Variants in PRUNE2 observed in about 807,000 individuals in gnomAD.
The protein encoded by PRUNE2 is prune homolog 2 with BCH domain.
In PRUNE2, 164 loss-of-function variants were observed where a neutral mutation model predicts 252.0. The observed-to-expected ratio is 0.65, with a 90% confidence interval of 0.57 to 0.74. The LOEUF is 0.74. Ranked by LOEUF, PRUNE2 falls within the 30% of genes least tolerant of loss-of-function variation. The pLI is 0.00. For missense variants in PRUNE2, 3,495 were observed against 3,711.0 expected, an observed-to-expected ratio of 0.94 and a Z score of 1.51; for synonymous variants, 1,292 against 1,350.2, an observed-to-expected ratio of 0.96 and a Z score of 0.94.
chr9:76,811,043 G>A (rs963188165), intron 6 of PRUNE2, among the ~76,000 whole-genome samples: 5 of 152,186 alleles, frequency 3.3e-5, no homozygotes, highest in Non-Finnish European at 7.3e-5. Flanking sequence ...AGGGAGGGGA[G>A]AGAGAATATA....
intron 17 of PRUNE2, among the ~76,000 whole-genome samples, chr9:76,620,979 C>G (rs1832034360): frequency 6.6e-6 from 1 of 152,068 alleles, no homozygotes; most frequent in African/African-American, 2.4e-5. Flanking sequence ...CTGTATACAG[C>G]TAAGGTTTTA....
At position 76,708,225 on chromosome 9, in the gene PRUNE2, T is replaced by G. The variant is rs924908991; in HGVS notation, c.4049A>C (p.Glu1350Ala). ...DEEEVIASGV[E>A]NASGISEKGQ... ...TTTTTCAGAAATCCCTGAGGCATTCTCCACACCAGAGGCGATCACCTCCTC... is the reference window on the plus strand; with the variant it reads ...TTTTTCAGAAATCCCTGAGGCATTCGCCACACCAGAGGCGATCACCTCCTC... The change falls in exon 8 of 19, where the codon GAG becomes GCG. Residue 1350 changes from glutamate (E) to alanine (A), a missense_variant. Transcript: ENST00000376718. 49 of 1,613,974 alleles carry G rather than the reference T, an allele frequency of 3.0e-5. No homozygotes were observed. Among genetic ancestry groups the G allele is most frequent in the Non-Finnish European group, 4.1e-5 (48 of 1,179,884 alleles).
At chr9:76,635,851 T>C (rs916653428) in intron 15 of PRUNE2, among the ~76,000 whole-genome samples, 6 of 152,224 alleles carry the variant, frequency 3.9e-5, no homozygotes, top group African/African-American at 1.4e-4. Context: ...TCTTACTATA[T>C]TATGAACATA....
At chr9:76,687,551 G>A in intron 9 of PRUNE2, 1 of 273,604 alleles carries the variant, frequency 3.7e-6, no homozygotes, top group Non-Finnish European at 7.8e-6. Context: ...TATCAAGATT[G>A]TTCTAGTAAT....
chr9:76,722,016 A>T (rs2047682498), intron 6 of PRUNE2, among the ~76,000 whole-genome samples: 1 of 152,162 alleles, frequency 6.6e-6, no homozygotes. Flanking sequence ...GTAAGCAAAG[A>T]TATTTTCCAT....
chr9:76,723,953 G>A lies in PRUNE2; in HGVS notation c.757-10232C>T, dbSNP rs373325831. On this transcript the variant is annotated intron_variant, in intron 6 of 18. Transcript: ENST00000376718. The stretch of plus-strand genomic sequence containing the variant: ...CTCCCGAGTAGCTGGGACTACAGGC[G>A]CCTGCTACCACGCTCGGCTAACTTT... 1.5e-4 allele frequency among the ~76,000 whole-genome samples: 22 copies of A among 151,350 alleles called. No homozygotes were observed. The East Asian group carries it at 4.2e-3, about 29-fold the overall frequency.
intron 6 of PRUNE2, among the ~76,000 whole-genome samples, chr9:76,821,821 T>C (rs2058051627): frequency 6.6e-6 from 1 of 152,138 alleles, no homozygotes; most frequent in Non-Finnish European, 1.5e-5. Flanking sequence ...GACAAAGCCA[T>C]TTGCATACCC....
Position 76,854,103 on chromosome 9 carries a change from C to A in PRUNE2, c.141+1G>T. 1 of 1,523,144 alleles carries A rather than the reference C, an allele frequency of 6.6e-7. No individual in the cohort carries two copies. The allele number at this position is 1,523,144 out of a possible 1,614,324, so 94.4% of individuals were successfully genotyped here. On this transcript the variant is annotated splice_donor_variant, in intron 2 of 18. Coordinates refer to ENST00000376718, the MANE Select transcript of PRUNE2 (RefSeq NM_015225.3). LOFTEE classifies it high-confidence loss of function. ...AGGAGTATTACCCTTTTTTCCCTCA[C>A]CTTGTCTAGAAAGTAAGCATATGTG...
intron 9 of PRUNE2, among the ~76,000 whole-genome samples, chr9:76,682,718 T>G (rs1022389645): frequency 1.2e-4 from 19 of 152,202 alleles, no homozygotes; most frequent in African/African-American, 4.3e-4. Flanking sequence ...GATGTACATA[T>G]TTTGGGGAGT....
intron 6 of PRUNE2, among the ~76,000 whole-genome samples, chr9:76,749,826 A>G (rs970057470): frequency 1.3e-5 from 2 of 152,224 alleles, no homozygotes; most frequent in African/African-American, 4.8e-5. Context: ...ACAGGGCATG[A>G]CAGATTTGCG....
At chr9:76,785,304 A>G (rs2054863600) in intron 6 of PRUNE2, 1 of 152,260 alleles carries the variant, frequency 6.6e-6, no homozygotes, top group Admixed American at 6.5e-5. Context: ...TATGAGATTC[A>G]TCATCACATG....
chr9:76,901,054 G>T (rs909347587), intron 1 of PRUNE2, among the ~76,000 whole-genome samples: 1 of 152,096 alleles, frequency 6.6e-6, no homozygotes, highest in Non-Finnish European at 1.5e-5. Flanking sequence ...CAAGACCCAA[G>T]GTGCTGTCTG....
In PRUNE2 at chr9:76,704,790, G is replaced by A. The variant is rs1170082331; in HGVS notation, c.7484C>T (p.Pro2495Leu). The change falls in exon 8 of 19, where the codon CCA becomes CTA. Residue 2495 changes from proline (P) to leucine (L), a missense_variant. Transcript: ENST00000376718. ...WEVETDNSDL[P>L]AGGDIGPPNG... ...TGGTGGTCCTATGTCTCCACCTGCT[G>A]GTAAATCAGAATTATCTGTTTCTAC... 1.3e-6 allele frequency: 2 copies of A among 1,570,540 alleles called. No homozygotes were observed. Among genetic ancestry groups the A allele is most frequent in the Admixed American group, 1.9e-5 (1 of 53,664 alleles).
intron 11 of PRUNE2, among the ~76,000 whole-genome samples, chr9:76,648,328 A>G (rs1845805774): frequency 6.6e-6 from 1 of 152,228 alleles, no homozygotes; most frequent in Non-Finnish European, 1.5e-5. Context: ...AATTACCCAA[A>G]TGCACTGAAA....
At chr9:76,647,906 G>A (rs576078989) in intron 11 of PRUNE2, among the ~76,000 whole-genome samples, 1 of 152,292 alleles carries the variant, frequency 6.6e-6, no homozygotes, top group Admixed American at 6.5e-5. Flanking sequence ...AGGTTGCAGT[G>A]AACCGAGATT....
chr9:76,652,320 G>A (rs1372992368), intron 11 of PRUNE2, 163 bp downstream of exon 11: 4 of 617,180 alleles, frequency 6.5e-6, no homozygotes, highest in African/African-American at 5.5e-5. Context: ...TACTTTCTCT[G>A]TCAGGCTCCA....
intron 6 of PRUNE2, among the ~76,000 whole-genome samples, chr9:76,797,201 AAGAATGTATTTCATT>A (rs1438379132): frequency 6.6e-6 from 1 of 152,166 alleles, no homozygotes; most frequent in Non-Finnish European, 1.5e-5. Context: ...TCAGGTCAGA[AAGAATGTATTTCATT>A]AGTTATAGTT....
chr9:76,826,679 G>C lies in PRUNE2; in HGVS notation c.562C>G (p.Gln188Glu). 6.2e-7 allele frequency: 1 copy of C among 1,612,426 alleles called. No homozygotes were observed. The highest frequency in any genetic ancestry group is 8.5e-7 in the Non-Finnish European group (1 of 1,178,962). ...TCCAGGATAGAAAGAATTTCCTCCT[G>C]CTTCTCTGAGATCTTCTCTGATTCC... Reference protein sequence around the residue: ...TMESEKISEKQEEILSILEEK... With the variant: ...TMESEKISEKEEEILSILEEK... The change falls in exon 5 of 19, where the codon CAG becomes GAG. Residue 188 changes from glutamine to glutamate, a missense_variant. Gln to Glu is a conservative substitution (Grantham distance 29, BLOSUM62 2). Coordinates refer to ENST00000376718, the MANE Select transcript of PRUNE2 (RefSeq NM_015225.3).
intron 5 of PRUNE2, 37 bp downstream of exon 5, chr9:76,826,543 C>T (rs1005874518): frequency 2.0e-5 from 29 of 1,476,788 alleles, no homozygotes; most frequent in South Asian, 2.7e-5. Flanking sequence ...CATCCCTACT[C>T]GGGAGGGACA....
Sources: allele counts gnomAD v4.1 joint callset (sites outside exome capture counted in the v4.1 genomes callset), GRCh38; gene constraint gnomAD v4.1.1; transcripts MANE v1.5; gene names NCBI Gene and HGNC (gene_info 2026-07-23, HGNC 2026-07-21).